Variants in CPAP observed in about 807,000 individuals in gnomAD.
CPAP encodes centrosomal P4.1-associated protein.
the CPAP span, among the ~76,000 whole-genome samples, chr13:24,895,311 C>T: frequency 6.6e-6 from 1 of 152,144 alleles, no homozygotes; most frequent in African/African-American, 2.4e-5. Flanking sequence ...TGTGGTGGCT[C>T]ACGCCTGTAA....
chr13:24,924,664 T>C, the CPAP span: 1 of 152,218 alleles, frequency 6.6e-6, no homozygotes, highest in Non-Finnish European at 1.5e-5. Context: ...AGAGAAAAAT[T>C]AGACTAACGG....
chr13:24,883,713 G>GAGTT, the CPAP span, among the ~76,000 whole-genome samples: 7 of 152,180 alleles, frequency 4.6e-5, no homozygotes, highest in African/African-American at 9.7e-5. Context: ...GTGGGGAAGA[G>GAGTT]AGTTAGTTAT....
chr13:24,887,170 T>A, the CPAP span, among the ~76,000 whole-genome samples: 1 of 152,204 alleles, frequency 6.6e-6, no homozygotes, highest in Non-Finnish European at 1.5e-5. Context: ...GAAATTGAAC[T>A]ACTTTAAGAA....
At chr13:24,904,534 T>C in the CPAP span, among the ~76,000 whole-genome samples, 1 of 152,204 alleles carries the variant, frequency 6.6e-6, no homozygotes, top group African/African-American at 2.4e-5. Context: ...AATTAGTACT[T>C]TTTTAGAAAC....
the CPAP span, among the ~76,000 whole-genome samples, chr13:24,927,256 C>T: frequency 7.2e-5 from 11 of 152,172 alleles, no homozygotes; most frequent in African/African-American, 1.9e-4. Flanking sequence ...TAAGTCCTCC[C>T]CTACCCCTGA....
At chr13:24,900,716 G>T in the CPAP span, among the ~76,000 whole-genome samples, 1 of 152,212 alleles carries the variant, frequency 6.6e-6, no homozygotes, top group Non-Finnish European at 1.5e-5. Context: ...TGTGTGAAGA[G>T]CACAGACGCG....
the CPAP span, among the ~76,000 whole-genome samples, chr13:24,890,347 A>G: frequency 6.6e-6 from 1 of 152,026 alleles, no homozygotes; most frequent in African/African-American, 2.4e-5. Flanking sequence ...GAAGAATGCT[A>G]CTTTCTCATT....
the CPAP span, among the ~76,000 whole-genome samples, chr13:24,930,067 T>C: frequency 6.6e-6 from 1 of 151,800 alleles, no homozygotes; most frequent in Non-Finnish European, 1.5e-5. Context: ...TGCACCACCA[T>C]GCCCAGTTAA....
At chr13:24,908,276 A>G in the CPAP span, 1 of 614,962 alleles carries the variant, frequency 1.6e-6, no homozygotes, top group Non-Finnish European at 2.8e-6. Flanking sequence ...ATTCTTTAAT[A>G]TAATTAAGAG....
chr13:24,911,655 G>A, the CPAP span, among the ~76,000 whole-genome samples: 1 of 150,980 alleles, frequency 6.6e-6, no homozygotes, highest in Admixed American at 6.6e-5. Flanking sequence ...TCCCACCTCA[G>A]TCTCCAGAGT....
the CPAP span, among the ~76,000 whole-genome samples, chr13:24,888,852 C>G: frequency 2.0e-5 from 3 of 152,092 alleles, no homozygotes; most frequent in South Asian, 6.2e-4. Context: ...AAAAAAATTG[C>G]AGAAGGACAC....
the CPAP span, chr13:24,892,788 A>G: frequency 6.2e-7 from 1 of 1,613,888 alleles, no homozygotes; most frequent in South Asian, 1.1e-5. Flanking sequence ...CTGGCTTCTG[A>G]GACGGCTGTG....
chr13:24,913,556 C>T, the CPAP span, among the ~76,000 whole-genome samples: 1 of 152,190 alleles, frequency 6.6e-6, no homozygotes, highest in African/African-American at 2.4e-5. Flanking sequence ...GCAGTTTCAC[C>T]TGTCCCTTCC....
the CPAP span, chr13:24,882,975 AAGAC>A: frequency 1.7e-6 from 1 of 585,252 alleles, no homozygotes; most frequent in Non-Finnish European, 3.0e-6. Context: ...AGTCTATTGA[AAGAC>A]AGGGTAGTGA....
chr13:24,911,929 G>A, the CPAP span: 2 of 1,613,908 alleles, frequency 1.2e-6, no homozygotes, highest in South Asian at 1.1e-5. Flanking sequence ...CTGAGGCCCT[G>A]TGTAGGCAAA....
At chr13:24,884,495 A>AT in the CPAP span, 1 of 1,612,520 alleles carries the variant, frequency 6.2e-7, no homozygotes, top group South Asian at 1.1e-5. Flanking sequence ...ATCACCTAAG[A>AT]TTTTCTCCTG....
the CPAP span, among the ~76,000 whole-genome samples, chr13:24,913,388 T>C: frequency 6.6e-6 from 1 of 151,938 alleles, no homozygotes; most frequent in Admixed American, 6.5e-5. Flanking sequence ...TTTTAAGTTA[T>C]TCACTTAAAA....
the CPAP span, among the ~76,000 whole-genome samples, chr13:24,887,305 G>A: frequency 8.5e-5 from 13 of 152,160 alleles, no homozygotes; most frequent in Admixed American, 2.6e-4. Flanking sequence ...CAAACCCCAC[G>A]GTATACTGGT....
the CPAP span, chr13:24,906,683 G>A: frequency 1.4e-5 from 22 of 1,614,088 alleles, no homozygotes; most frequent in Non-Finnish European, 1.6e-5. Flanking sequence ...CTGACTGAGG[G>A]TGACAGAACC....
Sources: gnomAD v4.1 joint callset for allele counts (sites outside exome capture counted in the v4.1 genomes callset) on GRCh38, gnomAD v4.1.1 for gene constraint, MANE v1.5 for transcripts, NCBI Gene and HGNC (gene_info 2026-07-23, HGNC 2026-07-21) for gene names.